The following CMAS variants were observed in gnomAD, a reference collection of about 807,000 sequenced individuals.
CMAS encodes cytidine monophosphate N-acetylneuraminic acid synthetase.
Under a neutral mutation model 53.4 loss-of-function variants are expected in CMAS, and 21 were observed. The ratio of observed to expected loss-of-function variants is 0.39; its 90% CI spans 0.28 to 0.57. CMAS has a LOEUF of 0.57. Among genes scored for constraint, CMAS ranks in the 20% least tolerant of loss-of-function variants. The pLI, the probability that CMAS is intolerant of heterozygous loss-of-function variation, is 0.56. For synonymous variants in CMAS, 189 were observed against 195.2 expected, an observed-to-expected ratio of 0.97 and a Z score of 0.27; for missense variants, 384 against 534.9, an observed-to-expected ratio of 0.72 and a Z score of 2.78.
At chr12:22,060,732 G>A (rs1176682164) in intron 4 of CMAS, 100 bp from the exon 5 acceptor site, 18 of 705,752 alleles carry the variant, frequency 2.6e-5, no homozygotes, top group Non-Finnish European at 4.3e-5. Flanking sequence ...ATTTTTCTCA[G>A]TACTGTAGAA....
intron 4 of CMAS, chr12:22,060,623 C>T (rs1408760282): frequency 2.4e-6 from 1 of 420,630 alleles, no homozygotes. Flanking sequence ...CATTGCACTC[C>T]AGCCTGGGAG....
chr12:22,055,421 TAAA>T, intron 2 of CMAS, 31 bp from the exon 3 acceptor site: 1 of 1,539,088 alleles, frequency 6.5e-7, no homozygotes. Flanking sequence ...ACTTTTTTTT[TAAA>T]TATCCTTTTC....
intron 4 of CMAS, among the ~76,000 whole-genome samples, chr12:22,059,127 T>TA (rs1307065482): frequency 0.013 from 1,692 of 126,134 alleles, 45 homozygotes; most frequent in African/African-American, 0.053. Context: ...CCGGAATCTT[T>TA]TTATATATAT....
At chr12:22,059,128 T>TATATATATATATA (rs1565531140) in intron 4 of CMAS, among the ~76,000 whole-genome samples, 1 of 136,952 alleles carries the variant, frequency 7.3e-6, no homozygotes, top group African/African-American at 2.7e-5. Context: ...CGGAATCTTT[T>TATATATATATATA]TATATATATA....
rs759974914 is a variant in CMAS, at chr12:22,046,481, C to T, written c.178C>T (p.Leu60=). ...LARGGSKGIP[L]KNIKHLAGVP... ...CCGGGGAGGCAGCAAAGGCATCCCC[C>T]TGAAGAACATTAAGCACCTGGCGGG... is the stretch of plus-strand genomic sequence containing the variant. Residue 60 remains leucine (L), a synonymous_variant, in exon 1 of 8, where the codon CTG becomes TTG. Transcript: ENST00000229329. The T allele has an allele frequency of 8.1e-6, 13 of 1,610,096 alleles. No individual in the cohort carries two copies. Among genetic ancestry groups the T allele is most frequent in the East Asian group, 2.2e-5 (1 of 44,602 alleles).
At chr12:22,056,095 A>C (rs541846948) in intron 3 of CMAS, among the ~76,000 whole-genome samples, 1 of 152,334 alleles carries the variant, frequency 6.6e-6, no homozygotes, top group East Asian at 1.9e-4. Flanking sequence ...TATAAATCTT[A>C]TCCAGAGAAT....
At chr12:22,061,208 A>G in intron 5 of CMAS, 73 bp from the exon 6 acceptor site, 1 of 998,348 alleles carries the variant, frequency 1.0e-6, no homozygotes, top group South Asian at 1.4e-5. Context: ...CATTTCATGT[A>G]TTGGTTTAGC....
Position 22,055,216 on chromosome 12 carries a change from C to A in CMAS, c.328C>A (p.Arg110=). ...CAAACAATTTGGTGCACAAGTTCATCGAAGAAGTTCTGAAGTTTCAAAAGA... is the reference window on the plus strand; with the variant it reads ...CAAACAATTTGGTGCACAAGTTCATAGAAGAAGTTCTGAAGTTTCAAAAGA... ...VAKQFGAQVH[R]RSSEVSKDSS... Residue 110 remains arginine (R), a synonymous_variant, in exon 2 of 8, where the codon CGA becomes AGA. Transcript: ENST00000229329. 6.2e-7 allele frequency: 1 copy of A among 1,612,490 alleles called. No homozygotes were observed. Among genetic ancestry groups the A allele is most frequent in the Non-Finnish European group, 8.5e-7 (1 of 1,178,756 alleles).
At chr12:22,053,877 TCAAAACAAAA>T (rs373414196) in intron 1 of CMAS, among the ~76,000 whole-genome samples, 6 of 147,884 alleles carry the variant, frequency 4.1e-5, no homozygotes, top group Non-Finnish European at 6.0e-5. Flanking sequence ...AGACTCCGTC[TCAAAACAAAA>T]CAAAACAAAA....
At chr12:22,062,505 G>T in intron 7 of CMAS, 71 bp downstream of exon 7, 1 of 1,470,722 alleles carries the variant, frequency 6.8e-7, no homozygotes, top group South Asian at 1.2e-5. Context: ...TTAAAGAAAT[G>T]ACAAAGCACA....
At chr12:22,062,837 T>C (rs372347524) in intron 7 of CMAS, among the ~76,000 whole-genome samples, 1 of 152,204 alleles carries the variant, frequency 6.6e-6, no homozygotes, top group Non-Finnish European at 1.5e-5. Context: ...TGAATAGTTT[T>C]TGCTGCTAAT....
intron 4 of CMAS, chr12:22,060,550 A>C: frequency 3.7e-6 from 1 of 273,652 alleles, no homozygotes; most frequent in East Asian, 8.4e-5. Context: ...GATCCTTAGG[A>C]GGCTGAGGTG....
In CMAS at chr12:22,065,345, G is replaced by A. The variant is rs1193994769; in HGVS notation, c.*34G>A. The stretch of plus-strand genomic sequence containing the variant: ...GTAATATTGAGAAAAAAATGATACA[G>A]CCTTCTTCAGCCAGTTTGCTTTTAT... On this transcript the variant is annotated 3_prime_UTR_variant, in exon 8 of 8. Coordinates refer to ENST00000229329, the MANE Select transcript of CMAS (RefSeq NM_018686.6). The A allele has an allele frequency of 1.3e-6, 2 of 1,507,370 alleles. No individual in the cohort carries two copies. Among genetic ancestry groups the A allele is most frequent in the East Asian group, 4.5e-5 (2 of 44,044 alleles). The allele number at this position is 1,507,370 out of a possible 1,614,324, so 93.4% of individuals were successfully genotyped here.
At chr12:22,061,079 A>G (rs907225944) in intron 5 of CMAS, among the ~76,000 whole-genome samples, 153 bp downstream of exon 5, 6 of 152,208 alleles carry the variant, frequency 3.9e-5, no homozygotes, top group Non-Finnish European at 8.8e-5. Context: ...CATGGCTTCA[A>G]TAAAGTGAGA....
In CMAS at chr12:22,065,319, CG is replaced by C. The variant is rs1565533446; in HGVS notation, c.*9del. On this transcript the variant is annotated 3_prime_UTR_variant, in exon 8 of 8. Transcript: ENST00000229329. ...AATTCATGCCAAAAATAGAAATTAG[CG>C]TAATATTGAGAAAAAAATGATACAG... The C allele has an allele frequency of 6.3e-7, 1 of 1,595,354 alleles. No homozygotes were observed. The highest frequency in any genetic ancestry group is 8.6e-7 in the Non-Finnish European group (1 of 1,165,676).
chr12:22,057,260 C>T (rs1035813226), intron 3 of CMAS, among the ~76,000 whole-genome samples: 1 of 150,878 alleles, frequency 6.6e-6, no homozygotes, highest in Non-Finnish European at 1.5e-5. Flanking sequence ...CACACACACA[C>T]ACACACACAC....
Position 22,065,542 on chromosome 12 carries a change from T to G in CMAS, c.*231T>G. 2.2e-6 allele frequency: 1 copy of G among 453,984 alleles called. No individual in the cohort carries two copies. The highest frequency in any genetic ancestry group is 4.0e-6 in the Non-Finnish European group (1 of 248,644). The allele number at this position is 453,984 out of a possible 1,614,324, so 28.1% of individuals were successfully genotyped here. A position where few individuals can be genotyped will look rare whatever the true frequency, so the allele number is the denominator to read the frequency against. ...AGTAAGAACATCATCAAAGTTCACT[T>G]TGTATTGTACCCTGTAAAACTGTGT... On this transcript the variant is annotated 3_prime_UTR_variant, in exon 8 of 8. Coordinates refer to ENST00000229329, the MANE Select transcript of CMAS (RefSeq NM_018686.6).
At chr12:22,053,409 A>G (rs1950248067) in intron 1 of CMAS, among the ~76,000 whole-genome samples, 1 of 147,320 alleles carries the variant, frequency 6.8e-6, no homozygotes, top group Non-Finnish European at 1.5e-5. Context: ...ACATATACAC[A>G]TTATATATAC....
At chr12:22,048,365 G>T (rs1950219753) in intron 1 of CMAS, among the ~76,000 whole-genome samples, 1 of 152,160 alleles carries the variant, frequency 6.6e-6, no homozygotes, top group Non-Finnish European at 1.5e-5. Flanking sequence ...GTTTCAAGGT[G>T]GTTGTACTGA....
Sources: allele counts gnomAD v4.1 joint callset (sites outside exome capture counted in the v4.1 genomes callset), GRCh38; gene constraint gnomAD v4.1.1; transcripts MANE v1.5; gene names NCBI Gene and HGNC (gene_info 2026-07-23, HGNC 2026-07-21).